Variants in BMPR1B observed in about 807,000 individuals in gnomAD.
The protein encoded by BMPR1B is bone morphogenetic protein receptor type-1B.
A neutral mutation model predicts 59.1 loss-of-function variants in BMPR1B; 12 were observed. The observed-to-expected ratio is 0.20, with a 90% CI of 0.13 to 0.33. The LOEUF is 0.33. Among genes scored for constraint, BMPR1B ranks in the 10% least tolerant of loss-of-function variants. BMPR1B has a pLI of 1.00. For synonymous variants in BMPR1B, 237 were observed against 207.3 expected (o/e 1.14, Z -1.23); for missense variants, 550 against 610.9 (o/e 0.90, Z 1.05).
intron 2 of BMPR1B, among the ~76,000 whole-genome samples, chr4:94,893,097 T>C (rs1339761701): frequency 1.3e-5 from 2 of 152,038 alleles, no homozygotes; most frequent in African/African-American, 4.8e-5. Context: ...TGTCACTAAC[T>C]TGTATTAGCA....
At chr4:94,900,650 T>A (rs778607756) in intron 2 of BMPR1B, among the ~76,000 whole-genome samples, 8 of 152,040 alleles carry the variant, frequency 5.3e-5, no homozygotes, top group Non-Finnish European at 1.2e-4. Context: ...AGGCAGAAGT[T>A]GGGACAGCAT....
intron 3 of BMPR1B, among the ~76,000 whole-genome samples, chr4:95,049,470 T>G (rs1343270154): frequency 1.9e-5 from 2 of 104,362 alleles, no homozygotes; most frequent in Non-Finnish European, 4.0e-5. Context: ...TTTTTTTTTT[T>G]GCAGTTCATA....
At chr4:94,875,452 A>G (rs1726685026) in intron 1 of BMPR1B, among the ~76,000 whole-genome samples, 1 of 152,174 alleles carries the variant, frequency 6.6e-6, no homozygotes, top group South Asian at 2.1e-4. Context: ...TGGGAGGCCG[A>G]GGTGGGTGGA....
chr4:94,816,954 C>A, intron 1 of BMPR1B, among the ~76,000 whole-genome samples: 1 of 151,996 alleles, frequency 6.6e-6, no homozygotes, highest in East Asian at 1.9e-4. Flanking sequence ...AGATGTGGGG[C>A]CTTTAGGAGG....
At position 95,085,532 on chromosome 4, in the gene BMPR1B, A is replaced by G. The variant is rs566692035; in HGVS notation, c.-17-18876A>G. Among the ~76,000 whole-genome samples, 123 of 152,322 alleles carry G rather than the reference A, an allele frequency of 8.1e-4. No homozygotes were observed. In the South Asian group the frequency reaches 0.022, roughly 27 times the overall value. On this transcript the variant is annotated intron_variant, in intron 3 of 12. Transcript: ENST00000515059. ...CTCAGATCAAAAAGACATTCTGCAC[A>G]TAAACTCAAGTAGAGAGACACTTGG... is the stretch of plus-strand genomic sequence containing the variant.
In BMPR1B at chr4:95,131,289, G is replaced by T; in HGVS notation, c.853G>T (p.Gly285Cys). The T allele has an allele frequency of 6.2e-7, 1 of 1,613,812 alleles. No individual in the cohort carries two copies. The highest frequency in any genetic ancestry group is 8.5e-7 in the Non-Finnish European group (1 of 1,179,882). ...LYLITDYHEN[G>C]SLYDYLKSTT... ...CCTAATCACAGACTATCATGAAAATGGTTCCCTTTATGATTATCTGAAGTC... is the reference window on the plus strand; with the variant it reads ...CCTAATCACAGACTATCATGAAAATTGTTCCCTTTATGATTATCTGAAGTC... The change falls in exon 10 of 13, where the codon GGT becomes TGT. Residue 285 changes from glycine (G) to cysteine (C), a missense_variant. Physicochemically the swap from Gly to Cys is radical, Grantham distance 159. This residue lies in a region of BMPR1B where 318 missense variants were observed against 284.6 expected (regional missense o/e 1.12). Coordinates refer to ENST00000515059, the MANE Select transcript of BMPR1B (RefSeq NM_001203.3).
chr4:94,989,402 A>AC (rs1721601801), intron 2 of BMPR1B, among the ~76,000 whole-genome samples: 1 of 142,276 alleles, frequency 7.0e-6, no homozygotes, highest in South Asian at 2.2e-4. Context: ...AAAAAAAAAA[A>AC]ACAAAAAAAA....
At chr4:95,066,806 C>T (rs368624320) in intron 3 of BMPR1B, among the ~76,000 whole-genome samples, 1 of 152,132 alleles carries the variant, frequency 6.6e-6, no homozygotes, top group Non-Finnish European at 1.5e-5. Context: ...TAACAAGCCC[C>T]TCAGTGATTT....
chr4:94,970,568 C>T, intron 2 of BMPR1B, among the ~76,000 whole-genome samples: 1 of 152,172 alleles, frequency 6.6e-6, no homozygotes, highest in East Asian at 1.9e-4. Flanking sequence ...CTGCCTTGGC[C>T]TCCCAAAGTA....
rs73838364 is a variant in BMPR1B, at chr4:94,790,526, G to A, written c.-183+32458G>A. Among the ~76,000 whole-genome samples, 739 of 152,212 alleles carry A rather than the reference G, an allele frequency of 4.9e-3. 5 individuals carry two copies. Among genetic ancestry groups the A allele is most frequent in the African/African-American group, 0.017 (686 of 41,522 alleles). On this transcript the variant is annotated intron_variant, in intron 1 of 12. Transcript: ENST00000515059. ...TGCTGCCTTCTCCCTTTTCCCCGGC[G>A]TTCTCAGCCCCGCCTAGATCTTTCT...
chr4:94,889,747 A>C (rs1727316873), intron 2 of BMPR1B, among the ~76,000 whole-genome samples: 1 of 152,130 alleles, frequency 6.6e-6, no homozygotes, highest in African/African-American at 2.4e-5. Context: ...TGTTTAAATG[A>C]GGGTAAACTC....
chr4:94,851,136 T>C (rs1202545927), intron 1 of BMPR1B, among the ~76,000 whole-genome samples: 1 of 152,168 alleles, frequency 6.6e-6, no homozygotes, highest in Non-Finnish European at 1.5e-5. Context: ...TTTAGCATCA[T>C]GCAAGCCCCT....
chr4:95,033,790 C>T (rs148083416), intron 3 of BMPR1B, among the ~76,000 whole-genome samples: 1 of 152,074 alleles, frequency 6.6e-6, no homozygotes, highest in African/African-American at 2.4e-5. Flanking sequence ...TTAAAGATAT[C>T]AAAGATAGAT....
rs2110617370 is a variant in BMPR1B at position 94,798,568 on chromosome 4, T to G, written c.-183+40500T>G. 2.0e-5 allele frequency among the ~76,000 whole-genome samples: 3 copies of G among 152,326 alleles called. No homozygotes were observed. The South Asian group carries it at 6.2e-4, about 32-fold the overall frequency. The stretch of plus-strand genomic sequence containing the variant: ...ACCATTTCCTTGCTCCCACGGACGT[T>G]TACTCAGAAGCCAGGCAGCATCGTC... On this transcript the variant is annotated intron_variant, in intron 1 of 12. Coordinates refer to ENST00000515059, the MANE Select transcript of BMPR1B (RefSeq NM_001203.3).
At chr4:94,802,617 G>C (rs1723450488) in intron 1 of BMPR1B, among the ~76,000 whole-genome samples, 1 of 152,192 alleles carries the variant, frequency 6.6e-6, no homozygotes, top group African/African-American at 2.4e-5. Flanking sequence ...TATCTTAGTG[G>C]AAGTTTTGAT....
chr4:95,139,557 C>G (rs1306723985), intron 10 of BMPR1B, among the ~76,000 whole-genome samples: 1 of 152,204 alleles, frequency 6.6e-6, no homozygotes, highest in Non-Finnish European at 1.5e-5. Context: ...CTGCAGTGGG[C>G]TCCACCCAGT....
chr4:95,093,714 C>A (rs1014285419), intron 3 of BMPR1B, among the ~76,000 whole-genome samples: 13 of 152,020 alleles, frequency 8.6e-5, no homozygotes, highest in African/African-American at 3.1e-4. Flanking sequence ...GATTATCCAT[C>A]ATAACCCGGG....
At chr4:94,992,743 A>G (rs1181587879) in intron 2 of BMPR1B, among the ~76,000 whole-genome samples, 1 of 152,228 alleles carries the variant, frequency 6.6e-6, no homozygotes, top group African/African-American at 2.4e-5. Context: ...ATCTGCAATT[A>G]CAGCATCATA....
At chr4:95,069,925 C>A (rs1028403352) in intron 3 of BMPR1B, among the ~76,000 whole-genome samples, 2 of 152,162 alleles carry the variant, frequency 1.3e-5, no homozygotes, top group South Asian at 2.1e-4. Context: ...CATGGAGAAA[C>A]CCCGTCTCTA....
Sources: allele counts gnomAD v4.1 joint callset (sites outside exome capture counted in the v4.1 genomes callset), GRCh38; gene constraint gnomAD v4.1.1; regional missense constraint gnomAD v4.1.1; transcripts MANE v1.5; gene names NCBI Gene and HGNC (gene_info 2026-07-23, HGNC 2026-07-21).